FLT3: variants seen among roughly 807,000 people sequenced by gnomAD.
The protein encoded by FLT3 is receptor-type tyrosine-protein kinase FLT3.
Under a neutral mutation model 126.6 loss-of-function variants are expected in FLT3, and 46 were observed. That is an observed-to-expected ratio of 0.36 (90% CI 0.29 to 0.46). The LOEUF (loss-of-function observed/expected upper bound fraction) is 0.46. FLT3 is among the 20% of genes least tolerant of loss of function. The pLI is 1.00. For synonymous variants in FLT3, 404 were observed against 434.4 expected (o/e 0.93, Z 0.87); for missense variants, 1,069 against 1,190.3 (o/e 0.90, Z 1.50).
intron 1 of FLT3, among the ~76,000 whole-genome samples, chr13:28,084,935 A>T (rs1397012404): frequency 6.8e-6 from 1 of 147,636 alleles, no homozygotes; most frequent in Admixed American, 6.9e-5. Context: ...AGATCGCACC[A>T]CTGCACTCCA....
At chr13:28,034,259 C>A (rs376005070) in intron 13 of FLT3, 42 bp downstream of exon 13, 40 of 1,613,286 alleles carry the variant, frequency 2.5e-5, no homozygotes, top group Non-Finnish European at 3.1e-5. Context: ...GGCAGTTCTG[C>A]AGATAGAGGA....
intron 4 of FLT3, among the ~76,000 whole-genome samples, chr13:28,052,978 A>G (rs538659874): frequency 2.0e-4 from 31 of 152,334 alleles, no homozygotes; most frequent in African/African-American, 7.5e-4. Context: ...GGCACAGGAA[A>G]AAGGAAATTA....
chr13:28,088,412 C>G (rs1407130101), intron 1 of FLT3, among the ~76,000 whole-genome samples: 1 of 151,986 alleles, frequency 6.6e-6, no homozygotes, highest in Non-Finnish European at 1.5e-5. Context: ...CTCAGCCTCC[C>G]AAGTAGCTGG....
At chr13:28,023,610 C>T in intron 18 of FLT3, 133 bp from the exon 19 acceptor site, 1 of 973,252 alleles carries the variant, frequency 1.0e-6, no homozygotes, top group Non-Finnish European at 1.5e-6. Flanking sequence ...ATCTTCCCGG[C>T]AGCATTAGAG....
At chr13:28,024,782 C>T (rs777553988) in intron 18 of FLT3, 79 bp downstream of exon 18, 7 of 1,011,006 alleles carry the variant, frequency 6.9e-6, no homozygotes, top group Non-Finnish European at 1.1e-5. Context: ...TGTGTTTACA[C>T]ACTTTTAAAA....
Position 28,004,682 on chromosome 13 carries a change from C to T in FLT3, c.2860-508G>A, listed in dbSNP as rs188692599. Among the ~76,000 whole-genome samples, 66 of 152,224 alleles carry T rather than the reference C, an allele frequency of 4.3e-4. 2 individuals carry two copies. The East Asian group carries it at 0.011, about 26-fold the overall frequency. ...TTTTCAGGAAACGTGTAGACAAGTACTTTTATTATGCATAGGTCTCAGAGG... is the reference window on the plus strand; with the variant it reads ...TTTTCAGGAAACGTGTAGACAAGTATTTTTATTATGCATAGGTCTCAGAGG... On this transcript the variant is annotated intron_variant, in intron 23 of 23. Coordinates refer to ENST00000241453, the MANE Select transcript of FLT3 (RefSeq NM_004119.3).
intron 16 of FLT3, among the ~76,000 whole-genome samples, 194 bp from the exon 17 acceptor site, chr13:28,027,435 A>T (rs1034886249): frequency 1.5e-4 from 23 of 152,244 alleles, no homozygotes; most frequent in African/African-American, 5.3e-4. Context: ...TTTGGAAAGC[A>T]GCATCTTCTT....
chr13:28,084,089 T>G (rs1878499127), intron 1 of FLT3, among the ~76,000 whole-genome samples: 1 of 152,014 alleles, frequency 6.6e-6, no homozygotes, highest in Non-Finnish European at 1.5e-5. Context: ...ACTCTTAGGC[T>G]CAAATGATCA....
chr13:28,010,122 A>G (rs547941411), intron 23 of FLT3, among the ~76,000 whole-genome samples: 196 of 151,918 alleles, frequency 1.3e-3, no homozygotes, highest in Non-Finnish European at 1.8e-3. Context: ...TTTCTTTCTC[A>G]TTCCAGAAAT....
intron 9 of FLT3, among the ~76,000 whole-genome samples, chr13:28,046,414 T>C (rs534169919): frequency 6.6e-6 from 1 of 152,326 alleles, no homozygotes; most frequent in African/African-American, 2.4e-5. Flanking sequence ...AGAACAGGGC[T>C]AGCCAATGAA....
At chr13:28,031,251 G>A (rs1041457128) in intron 15 of FLT3, among the ~76,000 whole-genome samples, 1 of 152,032 alleles carries the variant, frequency 6.6e-6, no homozygotes. Flanking sequence ...AAAATGCAAC[G>A]TGGCAAAGGA....
intron 1 of FLT3, among the ~76,000 whole-genome samples, chr13:28,082,177 ATCTTGC>A (rs1878368797): frequency 7.6e-6 from 1 of 132,048 alleles, no homozygotes; most frequent in Non-Finnish European, 1.6e-5. Flanking sequence ...TATAGGCAGG[ATCTTGC>A]TCTGTCGCCC....
chr13:28,051,895 T>C, intron 5 of FLT3, among the ~76,000 whole-genome samples: 1 of 151,502 alleles, frequency 6.6e-6, no homozygotes, highest in Non-Finnish European at 1.5e-5. Context: ...AGTATCTTTC[T>C]TTTTGCCCCA....
At position 28,052,563 on chromosome 13, in the gene FLT3, C is replaced by T. The variant is rs2137739994; in HGVS notation, c.596G>A (p.Cys199Tyr). The change falls in exon 5 of 24, where the codon TGC becomes TAC. Residue 199 changes from cysteine to tyrosine, a missense_variant. Physicochemically the swap from Cys to Tyr is radical, Grantham distance 194. Transcript: ENST00000241453. ...GTCATACCTTTCCCCCTGTGAATCG[C>T]AAAGCACCCATTCCACGATCGGCTC... ...VPEPIVEWVL[C>Y]DSQGESCKEE... The T allele has an allele frequency of 6.2e-7, 1 of 1,613,320 alleles. No individual in the cohort carries two copies. The highest frequency in any genetic ancestry group is 8.5e-7 in the Non-Finnish European group (1 of 1,179,610).
rs141380985 is a variant in FLT3, at chr13:28,034,149, G to A, written c.1770C>T (p.Phe590=). 2 of 1,613,852 alleles carry A rather than the reference G, an allele frequency of 1.2e-6. No individual in the cohort carries two copies. The highest frequency in any genetic ancestry group is 1.7e-6 in the Non-Finnish European group (2 of 1,179,782). The stretch of plus-strand genomic sequence containing the variant: ...ATTCATATTCTCTGAAATCAACGTA[G>A]AAGTACTCATTATCTGAGGAGCCGG... ...QVTGSSDNEY[F]YVDFREYEYD... Residue 590 remains phenylalanine, a synonymous_variant, in exon 14 of 24, where the codon TTC becomes TTT. Coordinates refer to ENST00000241453, the MANE Select transcript of FLT3 (RefSeq NM_004119.3).
At chr13:28,029,848 A>G (rs9512986) in intron 15 of FLT3, among the ~76,000 whole-genome samples, 23,944 of 152,220 alleles carry the variant, frequency 0.16, 2,204 homozygotes, top group Middle Eastern at 0.26. Flanking sequence ...AAAATTCCAG[A>G]TAGCTCAGCA....
chr13:28,003,409 T>A lies in FLT3; in HGVS notation c.*643A>T, dbSNP rs1870611352. On this transcript the variant is annotated 3_prime_UTR_variant, in exon 24 of 24. Transcript: ENST00000241453. ...GGTAGAACACCTATTCATTATAAAC[T>A]TCCCCCAATACAACCCCTGTTGTTG... 4.3e-6 allele frequency: 1 copy of A among 233,724 alleles called. No individual in the cohort carries two copies. The highest frequency in any genetic ancestry group is 8.4e-6 in the Non-Finnish European group (1 of 118,500). 14.5% of individuals were successfully genotyped at this position (233,724 alleles called of 1,614,324 possible). A position where few individuals can be genotyped will look rare whatever the true frequency, so the allele number is the denominator to read the frequency against.
intron 21 of FLT3, 112 bp downstream of exon 21, chr13:28,015,478 G>A: frequency 1.5e-6 from 1 of 668,220 alleles, no homozygotes; most frequent in Non-Finnish European, 2.7e-6. Context: ...TAAAGTCATG[G>A]GCTGCAATAC....
intron 16 of FLT3, 84 bp from the exon 17 acceptor site, chr13:28,027,325 A>G: frequency 8.9e-7 from 1 of 1,117,688 alleles, no homozygotes; most frequent in African/African-American, 1.6e-5. Context: ...ACATACTCTT[A>G]GGAGGGCTTG....
Sources: gnomAD v4.1 joint callset for allele counts (sites outside exome capture counted in the v4.1 genomes callset) on GRCh38, gnomAD v4.1.1 for gene constraint, MANE v1.5 for transcripts, NCBI Gene and HGNC (gene_info 2026-07-23, HGNC 2026-07-21) for gene names.